The following GIT2 variants were observed in gnomAD, a reference collection of about 807,000 sequenced individuals.
GIT2 encodes the protein ARF GTPase-activating protein GIT2.
In GIT2, 32 loss-of-function variants were observed where a neutral mutation model predicts 100.3. The ratio of observed to expected loss-of-function variants is 0.32; its 90% CI spans 0.24 to 0.43. The LOEUF (loss-of-function observed/expected upper bound fraction) is 0.43, where lower values mean the gene tolerates loss of function less well. Ranked by LOEUF, GIT2 falls within the 20% of genes least tolerant of loss-of-function variation. The pLI is 1.00. For missense variants in GIT2, 737 were observed against 975.1 expected (o/e 0.76, Z 3.25); for synonymous variants, 353 against 364.1 (o/e 0.97, Z 0.35).
In GIT2 at chr12:109,930,790, A is replaced by G. The variant is rs1025333642; in HGVS notation, c.*2188T>C. On this transcript the variant is annotated 3_prime_UTR_variant, in exon 20 of 20. Coordinates refer to ENST00000355312, the MANE Select transcript of GIT2 (RefSeq NM_057169.5). ...ACCTCCTGCAGACAGCTCATTTCCC[A>G]GAAGCCTCTACAGAAGCCCGTCCTC... 2 of 152,302 alleles carry G rather than the reference A, an allele frequency of 1.3e-5. No homozygotes were observed. Among genetic ancestry groups the G allele is most frequent in the African/African-American group, 4.8e-5 (2 of 41,462 alleles). 9.4% of individuals were successfully genotyped at this position (152,302 alleles called of 1,614,324 possible).
At chr12:109,988,016 A>C (rs1192712794) in intron 4 of GIT2, among the ~76,000 whole-genome samples, 1 of 152,214 alleles carries the variant, frequency 6.6e-6, no homozygotes, top group African/African-American at 2.4e-5. Flanking sequence ...AACCTGAAGA[A>C]GTCCCCTTCC....
At chr12:109,973,618 T>C (rs1217557863) in intron 7 of GIT2, among the ~76,000 whole-genome samples, 1 of 152,238 alleles carries the variant, frequency 6.6e-6, no homozygotes, top group Admixed American at 6.5e-5. Flanking sequence ...TTCAGTTTCA[T>C]TGATTTTTCG....
At chr12:109,945,495 C>A (rs1158746598) in intron 15 of GIT2, 146 bp from the exon 16 acceptor site, 30 of 627,166 alleles carry the variant, frequency 4.8e-5, no homozygotes, top group South Asian at 3.4e-4. Context: ...GTGACAGGAC[C>A]CCAGAGATGC....
intron 7 of GIT2, among the ~76,000 whole-genome samples, chr12:109,968,674 C>T (rs1565983502): frequency 1.3e-5 from 2 of 152,040 alleles, no homozygotes; most frequent in South Asian, 4.1e-4. Flanking sequence ...CTGCCTGCGT[C>T]GGCCTCCCAA....
rs753875472 is a variant in GIT2, at chr12:109,983,641, T to C, written c.459A>G (p.Leu153=). The change falls in exon 5 of 20, where the codon TTA becomes TTG. Residue 153 remains leucine (L), a synonymous_variant. Coordinates refer to ENST00000355312, the MANE Select transcript of GIT2 (RefSeq NM_057169.5). ...AGAAGTTGGCTTGTGCTCCTAAAGATAACAGTCTCAAACAGGTTTCAAGAT... is the reference window on the plus strand; with the variant it reads ...AGAAGTTGGCTTGTGCTCCTAAAGACAACAGTCTCAAACAGGTTTCAAGAT... ...TGNLETCLRL[L]SLGAQANFFH... 6.2e-7 allele frequency: 1 copy of C among 1,613,180 alleles called. No homozygotes were observed. Among genetic ancestry groups the C allele is most frequent in the East Asian group, 2.2e-5 (1 of 44,888 alleles).
chr12:109,980,630 G>C (rs1028134618), intron 7 of GIT2, among the ~76,000 whole-genome samples: 1 of 152,072 alleles, frequency 6.6e-6, no homozygotes, highest in African/African-American at 2.4e-5. Flanking sequence ...AAAGGTTATT[G>C]CTTTGCTCCT....
chr12:109,940,844 A>C (rs1874437883), intron 16 of GIT2, among the ~76,000 whole-genome samples: 1 of 151,368 alleles, frequency 6.6e-6, no homozygotes, highest in African/African-American at 2.4e-5. Flanking sequence ...GTACTACTGC[A>C]CTCCAGCCTG....
Position 109,951,151 on chromosome 12 carries a change from TTTA to T in GIT2, c.1392+13_1392+15del, listed in dbSNP as rs751469977. ...GATTAAAGCGTCAACCGTCCTGGCA[TTTA>T]TTAACATGTTACCTTTTTCTGCATA... On this transcript the variant is annotated intron_variant, in intron 14 of 19. Transcript: ENST00000355312. The T allele has an allele frequency of 5.6e-6, 9 of 1,608,504 alleles. No individual in the cohort carries two copies. The highest frequency in any genetic ancestry group is 1.7e-4 in the Middle Eastern group (1 of 6,048).
intron 13 of GIT2, chr12:109,952,782 TA>T: frequency 2.1e-6 from 1 of 467,414 alleles, no homozygotes; most frequent in Non-Finnish European, 4.0e-6. Context: ...CTCTCTCTCC[TA>T]GGCAATGAGA....
At position 109,960,039 on chromosome 12, in the gene GIT2, T is replaced by C. The variant is rs573461955; in HGVS notation, c.988-81A>G. The C allele has an allele frequency of 1.6e-4, 141 of 879,920 alleles. 1 individual carries two copies. In the Middle Eastern group the frequency reaches 1.8e-3, roughly 11 times the overall value. The allele number at this position is 879,920 out of a possible 1,614,324, so 54.5% of individuals were successfully genotyped here. On this transcript the variant is annotated intron_variant, in intron 11 of 19. Coordinates refer to ENST00000355312, the MANE Select transcript of GIT2 (RefSeq NM_057169.5). ...TAGTCACATAAAACTAGTCAGACTATTGACAGACTTCTGCAAATACTTTCT... is the reference window on the plus strand; with the variant it reads ...TAGTCACATAAAACTAGTCAGACTACTGACAGACTTCTGCAAATACTTTCT...
rs1337503218 is a variant in GIT2, at chr12:109,962,189, C to A, written c.817-504G>T. ...GCAACATGGTGAAACCCTGCCTCTA[C>A]AGAAAATACAAAAACTAGCTGGGCG... On this transcript the variant is annotated intron_variant, in intron 9 of 19. Coordinates refer to ENST00000355312, the MANE Select transcript of GIT2 (RefSeq NM_057169.5). The surrounding 1 kb of genome is among the most constrained non-coding windows in gnomAD (Gnocchi z 4.3). 6.6e-6 allele frequency among the ~76,000 whole-genome samples: 1 copy of A among 152,020 alleles called. No individual in the cohort carries two copies. The highest frequency in any genetic ancestry group is 1.5e-5 in the Non-Finnish European group (1 of 68,002).
Position 109,934,942 on chromosome 12 carries a change from G to C in GIT2, c.2004-857C>G, listed in dbSNP as rs549933028. ...AATACAAAAAAATTAGCTGGGCATT[G>C]TGGCGCATGCCTGTAATCCCAGCTA... On this transcript the variant is annotated intron_variant, in intron 18 of 19. Coordinates refer to ENST00000355312, the MANE Select transcript of GIT2 (RefSeq NM_057169.5). The surrounding 1 kb of genome is among the most constrained non-coding windows in gnomAD (Gnocchi z 4.5). 5.1e-4 allele frequency among the ~76,000 whole-genome samples: 78 copies of C among 152,254 alleles called. No individual in the cohort carries two copies. Among genetic ancestry groups the C allele is most frequent in the South Asian group, 2.7e-3 (13 of 4,822 alleles).
intron 7 of GIT2, among the ~76,000 whole-genome samples, chr12:109,971,438 A>C (rs1014847885): frequency 1.3e-5 from 2 of 151,612 alleles, no homozygotes; most frequent in Admixed American, 1.3e-4. Context: ...CGATTCTCCT[A>C]ACTCAGCCTC....
chr12:109,957,049 ATTACTTTG>A (rs1309100638), intron 12 of GIT2, among the ~76,000 whole-genome samples: 1 of 151,892 alleles, frequency 6.6e-6, no homozygotes, highest in Admixed American at 6.6e-5. Context: ...ATCAAACTTT[ATTACTTTG>A]TCTCATATAA....
intron 1 of GIT2, chr12:109,992,140 C>CTTTTTTTTTTTT (rs35643426): frequency 1.1e-5 from 1 of 92,188 alleles, no homozygotes; most frequent in African/African-American, 4.8e-5. Context: ...CAAGATAATA[C>CTTTTTTTTTTTT]TTTTTTTTTT....
chr12:109,969,735 G>C (rs1883381079), intron 7 of GIT2, among the ~76,000 whole-genome samples: 1 of 151,114 alleles, frequency 6.6e-6, no homozygotes, highest in South Asian at 2.1e-4. Context: ...TTTCATCCAA[G>C]ATCACAAAGA....
chr12:109,966,508 CAAAAAAAAAA>C (rs749586402), intron 8 of GIT2, among the ~76,000 whole-genome samples: 23 of 70,234 alleles, frequency 3.3e-4, no homozygotes, highest in African/African-American at 1.2e-3. Flanking sequence ...GACTCTGTCT[CAAAAAAAAAA>C]AAAAAAAAAA....
intron 4 of GIT2, among the ~76,000 whole-genome samples, chr12:109,987,125 G>C (rs1887552824): frequency 6.6e-6 from 1 of 152,110 alleles, no homozygotes; most frequent in African/African-American, 2.4e-5. Flanking sequence ...GCTCCTGCCT[G>C]TAATCCCAGT....
Position 109,989,720 on chromosome 12 carries a change from C to A in GIT2, c.269G>T (p.Arg90Ile). The A allele has an allele frequency of 6.4e-7, 1 of 1,570,588 alleles. No homozygotes were observed. The highest frequency in any genetic ancestry group is 8.8e-7 in the Non-Finnish European group (1 of 1,140,374). ...LLDPASIMSG[R>I]RKANPQDKVH... is the part of the protein sequence containing the mutation. ...TTTATCCTGTGGATTAGCTTTACGT[C>A]TTCCACTCATAATAGACGCAGGGTC... The change falls in exon 3 of 20, where the codon AGA becomes ATA. Residue 90 changes from arginine to isoleucine, a missense_variant. Physicochemically the swap from Arg to Ile is moderately conservative, Grantham distance 97. Transcript: ENST00000355312.
Sources: allele counts gnomAD v4.1 joint callset (sites outside exome capture counted in the v4.1 genomes callset), GRCh38; gene constraint gnomAD v4.1.1; non-coding constraint Gnocchi (gnomAD v3.1); transcripts MANE v1.5; gene names NCBI Gene and HGNC (gene_info 2026-07-23, HGNC 2026-07-21).